The following GRIK3 variants were observed in gnomAD, a reference collection of about 807,000 sequenced individuals.
GRIK3 encodes glutamate receptor ionotropic, kainate 3.
In GRIK3, 29 loss-of-function variants were observed where a neutral mutation model predicts 102.5. That is an observed-to-expected ratio of 0.28 (90% CI 0.21 to 0.39). GRIK3 has a LOEUF of 0.39. GRIK3 is among the 10% of genes least tolerant of loss of function. GRIK3 has a pLI of 1.00. For missense variants in GRIK3, 908 were observed against 1,252.4 expected (o/e 0.73, Z 4.15); for synonymous variants, 511 against 504.9 (o/e 1.01, Z -0.16).
chr1:36,965,748 G>A (rs1642071375), intron 1 of GRIK3, among the ~76,000 whole-genome samples: 2 of 152,218 alleles, frequency 1.3e-5, no homozygotes. Flanking sequence ...AACGTTCTCT[G>A]TGGAACCTCA....
At chr1:37,003,523 G>A (rs1396614645) in intron 1 of GRIK3, among the ~76,000 whole-genome samples, 2 of 152,134 alleles carry the variant, frequency 1.3e-5, no homozygotes, top group East Asian at 1.9e-4. Context: ...CGGAGGTGGT[G>A]GGGGTCTGTC....
chr1:36,806,174 C>T lies in GRIK3; in HGVS notation c.2244G>A (p.Gln748=), dbSNP rs376585025. 22 of 1,614,052 alleles carry T rather than the reference C, an allele frequency of 1.4e-5. No homozygotes were observed. Among genetic ancestry groups the T allele is most frequent in the Non-Finnish European group, 1.8e-5 (21 of 1,180,032 alleles). The change falls in exon 14 of 16, where the codon CAG becomes CAA. Residue 748 remains glutamine, a synonymous_variant. Coordinates refer to ENST00000373091, the MANE Select transcript of GRIK3 (RefSeq NM_000831.4). The surrounding 1 kb of genome is among the most constrained non-coding windows in gnomAD (Gnocchi z 4.0). The part of the protein sequence containing the change: ...MESTTIEYVT[Q]RNCNLTQIGG... ...CGATCTGGGTGAGGTTGCAGTTCCT[C>T]TGCGTGACGTACTCGATGGTGGTGG...
intron 1 of GRIK3, among the ~76,000 whole-genome samples, chr1:36,965,440 G>GA (rs1363018345): frequency 6.6e-6 from 1 of 152,092 alleles, no homozygotes; most frequent in Non-Finnish European, 1.5e-5. Flanking sequence ...TTGCGTGGGG[G>GA]AAAAAAGGAA....
chr1:37,004,595 G>A (rs1347285120), intron 1 of GRIK3, among the ~76,000 whole-genome samples: 3 of 152,170 alleles, frequency 2.0e-5, no homozygotes, highest in African/African-American at 4.8e-5. Context: ...CAGGTCTTAC[G>A]GGGACCATGG....
chr1:36,955,324 A>T (rs1360183198), intron 1 of GRIK3, among the ~76,000 whole-genome samples: 1 of 152,112 alleles, frequency 6.6e-6, no homozygotes, highest in Admixed American at 6.5e-5. Flanking sequence ...GCCTGACCCA[A>T]CACCACCCAA....
intron 10 of GRIK3, among the ~76,000 whole-genome samples, chr1:36,831,439 T>A (rs780298324): frequency 1.3e-5 from 2 of 152,348 alleles, no homozygotes; most frequent in East Asian, 3.9e-4. Flanking sequence ...TCTGCTGGCA[T>A]CCTGCCCACA....
intron 1 of GRIK3, among the ~76,000 whole-genome samples, chr1:37,017,517 C>A (rs1256633180): frequency 6.6e-6 from 1 of 152,014 alleles, no homozygotes; most frequent in Non-Finnish European, 1.5e-5. Context: ...GTTTGCATAG[C>A]CAGGAGCAGG....
intron 1 of GRIK3, among the ~76,000 whole-genome samples, chr1:36,924,561 T>C (rs530232336): frequency 8.5e-5 from 13 of 152,100 alleles, no homozygotes; most frequent in South Asian, 4.2e-4. Flanking sequence ...GGGTACCCGG[T>C]TGGGGGAGTA....
intron 13 of GRIK3, among the ~76,000 whole-genome samples, chr1:36,811,805 G>A (rs1370801564): frequency 2.0e-5 from 3 of 152,168 alleles, no homozygotes; most frequent in Non-Finnish European, 4.4e-5. Flanking sequence ...GCTAACCACT[G>A]TACATACAGG....
chr1:36,895,210 C>T (rs1278000449), intron 1 of GRIK3, among the ~76,000 whole-genome samples: 1 of 152,088 alleles, frequency 6.6e-6, no homozygotes, highest in Non-Finnish European at 1.5e-5. Context: ...TTACCCAGTG[C>T]ATCATGTCCA....
At chr1:36,972,567 C>T (rs545884786) in intron 1 of GRIK3, among the ~76,000 whole-genome samples, 2 of 152,166 alleles carry the variant, frequency 1.3e-5, no homozygotes, top group African/African-American at 2.4e-5. Context: ...CACTCTTATT[C>T]CCCTTTCCCT....
intron 9 of GRIK3, among the ~76,000 whole-genome samples, chr1:36,844,229 G>T (rs1640494061): frequency 6.6e-6 from 1 of 152,252 alleles, no homozygotes. Flanking sequence ...CGACTAGCCA[G>T]GGATTCTGAG....
At chr1:36,822,448 G>T (rs1448638211) in intron 11 of GRIK3, among the ~76,000 whole-genome samples, 1 of 152,190 alleles carries the variant, frequency 6.6e-6, no homozygotes, top group Non-Finnish European at 1.5e-5. Context: ...GAGCGTCCAG[G>T]CTCTAACCCT....
At chr1:36,812,702 G>A (rs1056594792) in intron 13 of GRIK3, among the ~76,000 whole-genome samples, 4 of 151,970 alleles carry the variant, frequency 2.6e-5, no homozygotes, top group African/African-American at 9.7e-5. Flanking sequence ...CCAGCATCCC[G>A]CTTCCTGCTG....
chr1:36,876,893 GA>G (rs1329751910), intron 3 of GRIK3, among the ~76,000 whole-genome samples: 1 of 152,128 alleles, frequency 6.6e-6, no homozygotes, highest in Non-Finnish European at 1.5e-5. Context: ...GAATTGAGTT[GA>G]ATTTAACTGA....
At chr1:36,825,333 GGACCT>G (rs913372462) in intron 11 of GRIK3, among the ~76,000 whole-genome samples, 5 of 152,162 alleles carry the variant, frequency 3.3e-5, no homozygotes, top group African/African-American at 1.2e-4. Context: ...CCTGCCAATG[GGACCT>G]GAGGTGCAAC....
intron 1 of GRIK3, among the ~76,000 whole-genome samples, chr1:36,987,160 C>A (rs1642314953): frequency 6.6e-6 from 1 of 152,170 alleles, no homozygotes; most frequent in Non-Finnish European, 1.5e-5. Context: ...GTTGGGGAGG[C>A]AGAGTTAAGG....
At chr1:36,928,424 C>T (rs536515800) in intron 1 of GRIK3, among the ~76,000 whole-genome samples, 1 of 152,214 alleles carries the variant, frequency 6.6e-6, no homozygotes, top group East Asian at 1.9e-4. Context: ...CCTGGTATAC[C>T]AGATTGTCTG....
intron 1 of GRIK3, among the ~76,000 whole-genome samples, chr1:36,961,576 C>T (rs1401066393): frequency 1.1e-4 from 16 of 152,194 alleles, no homozygotes; most frequent in African/African-American, 1.7e-4. Flanking sequence ...CCCTTCCCTC[C>T]GACAGGCCAG....
Sources: gnomAD v4.1 joint callset for allele counts (sites outside exome capture counted in the v4.1 genomes callset) on GRCh38, gnomAD v4.1.1 for gene constraint, Gnocchi (gnomAD v3.1) non-coding constraint, MANE v1.5 for transcripts, NCBI Gene and HGNC (gene_info 2026-07-23, HGNC 2026-07-21) for gene names.